Variants in NUBPL observed in about 807,000 individuals in gnomAD.
NUBPL encodes iron-sulfur cluster transfer protein NUBPL.
NUBPL carries 31 observed loss-of-function variants against 45.7 expected under a neutral mutation model. The ratio of observed to expected loss-of-function variants is 0.68; its 90% CI spans 0.51 to 0.92. NUBPL has a LOEUF of 0.92. Among genes scored for constraint, NUBPL ranks in the 40% least tolerant of loss-of-function variants. The pLI is 0.00. For synonymous variants in NUBPL, 144 were observed against 140.9 expected (o/e 1.02, Z -0.15); for missense variants, 401 against 398.7 (o/e 1.01, Z -0.05).
chr14:31,821,295 AAGG>A (rs1256994985), intron 7 of NUBPL, among the ~76,000 whole-genome samples: 1 of 152,180 alleles, frequency 6.6e-6, no homozygotes, highest in African/African-American at 2.4e-5. Context: ...TCAACTGACA[AAGG>A]ATTTATAACC....
chr14:31,602,494 C>T (rs74976624), intron 4 of NUBPL, among the ~76,000 whole-genome samples: 5,582 of 151,142 alleles, frequency 0.037, 241 homozygotes, highest in African/African-American at 0.11. Flanking sequence ...CGTAGAGCAC[C>T]GAATTTTAAT....
chr14:31,669,160 G>A (rs1433369415), intron 4 of NUBPL, among the ~76,000 whole-genome samples: 4 of 152,046 alleles, frequency 2.6e-5, no homozygotes, highest in African/African-American at 9.7e-5. Flanking sequence ...ACTGTGCCTG[G>A]CTTTATTTTT....
At chr14:31,694,514 A>C (rs1213938243) in intron 6 of NUBPL, among the ~76,000 whole-genome samples, 1 of 152,126 alleles carries the variant, frequency 6.6e-6, no homozygotes, top group Non-Finnish European at 1.5e-5. Flanking sequence ...ACATACATAC[A>C]TACATACATT....
At chr14:31,634,955 A>G (rs1378397360) in intron 4 of NUBPL, among the ~76,000 whole-genome samples, 1 of 149,394 alleles carries the variant, frequency 6.7e-6, no homozygotes, top group African/African-American at 2.5e-5. Flanking sequence ...TTTCTTGTAA[A>G]TTTGTTTGAG....
At chr14:31,675,840 A>G (rs1419318201) in intron 6 of NUBPL, among the ~76,000 whole-genome samples, 1 of 152,128 alleles carries the variant, frequency 6.6e-6, no homozygotes, top group Non-Finnish European at 1.5e-5. Flanking sequence ...GTGATTTTTG[A>G]TAAATATATA....
chr14:31,686,984 T>G (rs571057830), intron 6 of NUBPL, among the ~76,000 whole-genome samples: 1 of 152,310 alleles, frequency 6.6e-6, no homozygotes, highest in South Asian at 2.1e-4. Context: ...CATGGTTGCA[T>G]GTACCAGTAG....
chr14:31,588,153 C>A (rs568925318), intron 3 of NUBPL, among the ~76,000 whole-genome samples: 43 of 152,204 alleles, frequency 2.8e-4, no homozygotes, highest in Non-Finnish European at 5.6e-4. Context: ...ATCCCATTTT[C>A]TGCACTTGAA....
At chr14:31,645,146 A>G (rs573449206) in intron 4 of NUBPL, among the ~76,000 whole-genome samples, 39 of 151,132 alleles carry the variant, frequency 2.6e-4, no homozygotes, top group Non-Finnish European at 5.3e-4. Flanking sequence ...GCTCACTGCA[A>G]GCTCCGCCTC....
chr14:31,703,658 C>T (rs1398267545), intron 6 of NUBPL, among the ~76,000 whole-genome samples: 2 of 152,186 alleles, frequency 1.3e-5, no homozygotes, highest in Non-Finnish European at 2.9e-5. Flanking sequence ...TTGAGAACAG[C>T]ATGGGAAAGA....
intron 4 of NUBPL, among the ~76,000 whole-genome samples, chr14:31,615,348 A>C (rs1458794716): frequency 1.3e-5 from 2 of 152,164 alleles, no homozygotes; most frequent in African/African-American, 4.8e-5. Flanking sequence ...CAGAACGTGC[A>C]GGTTTGTTAC....
intron 7 of NUBPL, among the ~76,000 whole-genome samples, chr14:31,818,485 G>T (rs973421939): frequency 2.0e-5 from 3 of 152,126 alleles, no homozygotes; most frequent in African/African-American, 7.2e-5. Context: ...CACCAGTAAT[G>T]TTGATATAGC....
intron 6 of NUBPL, among the ~76,000 whole-genome samples, chr14:31,675,430 T>A (rs1405954195): frequency 1.3e-5 from 2 of 152,236 alleles, no homozygotes; most frequent in Non-Finnish European, 2.9e-5. Context: ...AACCAAACCA[T>A]TATTTGGTAA....
At chr14:31,733,110 C>G in intron 6 of NUBPL, among the ~76,000 whole-genome samples, 1 of 152,000 alleles carries the variant, frequency 6.6e-6, no homozygotes, top group East Asian at 1.9e-4. Flanking sequence ...TTTTCCAGAA[C>G]CAAATGTAAA....
At chr14:31,735,731 A>G (rs61997409) in intron 6 of NUBPL, among the ~76,000 whole-genome samples, 1 of 152,170 alleles carries the variant, frequency 6.6e-6, no homozygotes, top group Non-Finnish European at 1.5e-5. Flanking sequence ...GCATGCCTGT[A>G]ATCCCAGCTA....
chr14:31,782,200 A>G (rs1425064578), intron 6 of NUBPL, among the ~76,000 whole-genome samples: 1 of 152,128 alleles, frequency 6.6e-6, no homozygotes, highest in East Asian at 1.9e-4. Context: ...TTCAAGAGCA[A>G]CCTGAGCAAG....
chr14:31,644,067 A>G lies in NUBPL; in HGVS notation c.383-29288A>G, dbSNP rs185853042. 4.6e-4 allele frequency among the ~76,000 whole-genome samples: 69 copies of G among 151,442 alleles called. 1 individual carries two copies. The highest frequency in any genetic ancestry group is 1.7e-3 in the African/African-American group (69 of 41,328). On this transcript the variant is annotated intron_variant, in intron 4 of 10. Transcript: ENST00000281081. ...AGTTAATCTAGCTAAAGATTTGTCA[A>G]TTTTGCTTGTCTTGTTTAAAAAATC...
intron 4 of NUBPL, among the ~76,000 whole-genome samples, chr14:31,641,870 A>G (rs572396874): frequency 1.5e-4 from 23 of 152,212 alleles, no homozygotes; most frequent in Non-Finnish European, 2.4e-4. Flanking sequence ...GACAAAAGCC[A>G]TTTTAACTGG....
intron 7 of NUBPL, among the ~76,000 whole-genome samples, chr14:31,799,738 A>G (rs1390131561): frequency 6.6e-6 from 1 of 152,198 alleles, no homozygotes; most frequent in East Asian, 1.9e-4. Context: ...TTTTGCTGGC[A>G]GAGTGTCTTT....
At chr14:31,793,519 TG>T (rs1243789451) in intron 7 of NUBPL, among the ~76,000 whole-genome samples, 1 of 152,226 alleles carries the variant, frequency 6.6e-6, no homozygotes, top group African/African-American at 2.4e-5. Context: ...TCCAGCAGAC[TG>T]TTAACTTCCT....
Sources: allele counts gnomAD v4.1 joint callset (sites outside exome capture counted in the v4.1 genomes callset), GRCh38; gene constraint gnomAD v4.1.1; transcripts MANE v1.5; gene names NCBI Gene and HGNC (gene_info 2026-07-23, HGNC 2026-07-21).